HOXD3: variants seen among roughly 807,000 people sequenced by gnomAD.
HOXD3 encodes the protein homeobox D3.
Under a neutral mutation model 32.8 loss-of-function variants are expected in HOXD3, and 13 were observed. The observed-to-expected ratio is 0.40, with a 90% CI of 0.26 to 0.63. The LOEUF is 0.63. HOXD3 is among the 20% of genes least tolerant of loss of function. The pLI, the probability that HOXD3 is intolerant of heterozygous loss-of-function variation, is 0.44. For synonymous variants in HOXD3, 241 were observed against 246.8 expected (o/e 0.98, Z 0.22); for missense variants, 504 against 577.1 (o/e 0.87, Z 1.30).
upstream of HOXD3, chr2:176,153,048 G>T (rs1357041527): frequency 4.4e-6 from 5 of 1,139,720 alleles, no homozygotes; most frequent in Admixed American, 9.2e-5. Flanking sequence ...GTACTGTGGG[G>T]TGGACCTGGG....
At chr2:176,155,338 A>C (rs1376172977), upstream of HOXD3, among the ~76,000 whole-genome samples, 1 of 152,226 alleles carries the variant, frequency 6.6e-6, no homozygotes, top group Non-Finnish European at 1.5e-5. Flanking sequence ...CAAATGCCAC[A>C]CAGGCTTAAC....
rs1691248732 is a variant in HOXD3 at position 176,172,949 on chromosome 2, G to A, written c.*675G>A. ...ACATAAAGGATTAAGACCGCAAATTGTCCTTCATGGGTAGAGTCAGGAAGC... is the reference window on the plus strand; with the variant it reads ...ACATAAAGGATTAAGACCGCAAATTATCCTTCATGGGTAGAGTCAGGAAGC... On this transcript the variant is annotated 3_prime_UTR_variant, in exon 4 of 4. Transcript: ENST00000683222. The A allele has an allele frequency of 6.6e-6, 1 of 152,662 alleles. No individual in the cohort carries two copies. The highest frequency in any genetic ancestry group is 1.5e-5 in the Non-Finnish European group (1 of 68,060). The allele number at this position is 152,662 out of a possible 1,614,324, so 9.5% of individuals were successfully genotyped here.
chr2:176,157,532 C>G (rs991928992), intron 1 of HOXD3, among the ~76,000 whole-genome samples, 80 bp downstream of exon 1: 4 of 151,834 alleles, frequency 2.6e-5, no homozygotes, highest in Non-Finnish European at 5.9e-5. Flanking sequence ...ACAAATAGTT[C>G]CCTTTGCTTC....
intron 1 of HOXD3, among the ~76,000 whole-genome samples, chr2:176,161,596 T>C (rs1025772614): frequency 3.3e-5 from 5 of 151,926 alleles, no homozygotes; most frequent in African/African-American, 9.7e-5. Context: ...GCTCCCTGCA[T>C]TGTTCCGGTA....
At chr2:176,165,536 A>T (rs1438461365) in intron 2 of HOXD3, 1 of 152,190 alleles carries the variant, frequency 6.6e-6, no homozygotes, top group East Asian at 1.9e-4. Flanking sequence ...GAGTTGGGCA[A>T]CTTCCCAGCA....
upstream of HOXD3, among the ~76,000 whole-genome samples, chr2:176,156,003 A>T (rs1173873647): frequency 6.6e-6 from 1 of 152,208 alleles, no homozygotes; most frequent in African/African-American, 2.4e-5. Flanking sequence ...AGTATTATTT[A>T]TACTAATTGT....
At chr2:176,167,000 T>G (rs1333974012) in intron 2 of HOXD3, among the ~76,000 whole-genome samples, 5 of 152,200 alleles carry the variant, frequency 3.3e-5, no homozygotes, top group African/African-American at 4.8e-5. Context: ...GAAGGAAAGT[T>G]GCCTGAAAGA....
intron 1 of HOXD3, among the ~76,000 whole-genome samples, chr2:176,161,776 C>G (rs946469845): frequency 2.0e-5 from 3 of 152,178 alleles, no homozygotes; most frequent in African/African-American, 7.2e-5. Flanking sequence ...TTTTGATTGC[C>G]GTAGTGGCAG....
intron 1 of HOXD3, among the ~76,000 whole-genome samples, chr2:176,158,234 C>T (rs895676384): frequency 2.0e-5 from 3 of 152,188 alleles, no homozygotes; most frequent in Non-Finnish European, 4.4e-5. Context: ...TGGGAGACCC[C>T]GGGGCGACGG....
intron 1 of HOXD3, among the ~76,000 whole-genome samples, chr2:176,162,089 C>T (rs1690826990): frequency 6.6e-6 from 1 of 152,214 alleles, no homozygotes; most frequent in Admixed American, 6.5e-5. Context: ...TTGGGACAGG[C>T]CCTAGCAGGA....
At chr2:176,166,811 C>T (rs1690982888) in intron 2 of HOXD3, among the ~76,000 whole-genome samples, 1 of 152,208 alleles carries the variant, frequency 6.6e-6, no homozygotes, top group Admixed American at 6.5e-5. Flanking sequence ...GGCAACAACA[C>T]TACCTACCAA....
upstream of HOXD3, chr2:176,152,760 C>G: frequency 2.5e-6 from 4 of 1,614,152 alleles, no homozygotes; most frequent in Non-Finnish European, 3.4e-6. This position sits in a 1 kb window ranked among gnomAD's most constrained non-coding sequence, Gnocchi z 5.2. Context: ...TCTGTCGGAG[C>G]GCCAGATCAA....
intron 2 of HOXD3, among the ~76,000 whole-genome samples, chr2:176,166,007 G>A (rs1245678041): frequency 6.6e-6 from 1 of 152,138 alleles, no homozygotes; most frequent in Non-Finnish European, 1.5e-5. Flanking sequence ...TGTTTTAAGA[G>A]GGATCACTTT....
chr2:176,168,890 GTAAA>G, intron 2 of HOXD3, 137 bp from the exon 3 acceptor site: 1 of 558,848 alleles, frequency 1.8e-6, no homozygotes, highest in Non-Finnish European at 3.0e-6. Flanking sequence ...AAATAGATAA[GTAAA>G]TAAACTCAGA....
chr2:176,153,194 A>C, upstream of HOXD3: 1 of 520,980 alleles, frequency 1.9e-6, no homozygotes, highest in Non-Finnish European at 3.4e-6. Context: ...GAGAACATAA[A>C]ATCTTGGCGA....
At position 176,172,349 on chromosome 2, in the gene HOXD3, G is replaced by A. The variant is rs964580516; in HGVS notation, c.*75G>A. 2 of 1,373,032 alleles carry A rather than the reference G, an allele frequency of 1.5e-6. No individual in the cohort carries two copies. The allele number at this position is 1,373,032 out of a possible 1,614,324, so 85.1% of individuals were successfully genotyped here. A position where few individuals can be genotyped will look rare whatever the true frequency, so the allele number is the denominator to read the frequency against. The stretch of plus-strand genomic sequence containing the variant: ...TGGTGGGGTAGAGGGTGGGGCCCGC[G>A]GGGCAGTTCGGGAACCCCCTTCCCC... On this transcript the variant is annotated 3_prime_UTR_variant, in exon 4 of 4. Transcript: ENST00000683222.
intron 3 of HOXD3, among the ~76,000 whole-genome samples, chr2:176,170,595 T>G (rs141583261): frequency 1.4e-3 from 207 of 152,326 alleles, no homozygotes; most frequent in African/African-American, 4.8e-3. Flanking sequence ...AGGGCAAGTT[T>G]GGGGCCTGGG....
intron 3 of HOXD3, among the ~76,000 whole-genome samples, chr2:176,170,925 T>C (rs1005900215): frequency 8.8e-6 from 1 of 113,918 alleles, no homozygotes. Context: ...GTTTGGTTGG[T>C]TTTTTTTTAT....
chr2:176,158,276 C>A (rs1690692379), intron 1 of HOXD3, among the ~76,000 whole-genome samples: 1 of 152,174 alleles, frequency 6.6e-6, no homozygotes, highest in Non-Finnish European at 1.5e-5. Flanking sequence ...GGGGGAGAGG[C>A]CAGTGCGGGC....
Sources: gnomAD v4.1 joint callset for allele counts (sites outside exome capture counted in the v4.1 genomes callset) on GRCh38, gnomAD v4.1.1 for gene constraint, Gnocchi (gnomAD v3.1) non-coding constraint, MANE v1.5 for transcripts, NCBI Gene and HGNC (gene_info 2026-07-23, HGNC 2026-07-21) for gene names.